UTRN: variants seen among roughly 807,000 people sequenced by gnomAD.
The protein encoded by UTRN is dystrophin-related protein 1.
Under a neutral mutation model 463.9 loss-of-function variants are expected in UTRN, and 283 were observed. That is an observed-to-expected ratio of 0.61 (90% CI 0.55 to 0.67). The LOEUF is 0.67. Ranked by LOEUF, UTRN falls within the 30% of genes least tolerant of loss-of-function variation. The pLI is 0.00. For missense variants in UTRN, 3,922 were observed against 4,084.3 expected, an observed-to-expected ratio of 0.96 and a Z score of 1.08; for synonymous variants, 1,442 against 1,431.5, an observed-to-expected ratio of 1.01 and a Z score of -0.17.
At position 144,522,166 on chromosome 6, in the gene UTRN, C is replaced by G. The variant is rs1796164654; in HGVS notation, c.5728C>G (p.Leu1910Val). Residue 1910 changes from leucine (L) to valine (V), a missense_variant, in exon 40 of 75, where the codon CTG (leucine) becomes GTG (valine). Physicochemically the swap from Leu to Val is conservative, Grantham distance 32. Coordinates refer to ENST00000367545, the MANE Select transcript of UTRN (RefSeq NM_007124.3). ...YEDFSFQEDSLKNIKDQLDKL... is the reference protein window; with the variant it reads ...YEDFSFQEDSVKNIKDQLDKL... ...AGACTTCTCTTTTCAGGAAGACTCTCTGAAGGTAGACCTCTGGGCACTGTG... is the reference window on the plus strand; with the variant it reads ...AGACTTCTCTTTTCAGGAAGACTCTGTGAAGGTAGACCTCTGGGCACTGTG... 1 of 1,539,458 alleles carries G rather than the reference C, an allele frequency of 6.5e-7. No homozygotes were observed. Among genetic ancestry groups the G allele is most frequent in the Non-Finnish European group, 8.7e-7 (1 of 1,144,142 alleles).
chr6:144,579,230 A>C (rs1175427725), intron 51 of UTRN, among the ~76,000 whole-genome samples: 1 of 152,238 alleles, frequency 6.6e-6, no homozygotes, highest in Non-Finnish European at 1.5e-5. Context: ...TGAGGTCACT[A>C]TAAATGTTAA....
At chr6:144,416,394 A>C (rs1784368803) in intron 3 of UTRN, among the ~76,000 whole-genome samples, 1 of 152,188 alleles carries the variant, frequency 6.6e-6, no homozygotes, top group South Asian at 2.1e-4. Flanking sequence ...CTGCCACTTG[A>C]GCCTGCAGAG....
intron 13 of UTRN, among the ~76,000 whole-genome samples, chr6:144,441,938 T>TGGAGCA (rs1382891800): frequency 2.0e-5 from 3 of 152,170 alleles, no homozygotes; most frequent in Non-Finnish European, 4.4e-5. Context: ...TAGTCATGGC[T>TGGAGCA]GGAGCAGCTG....
chr6:144,307,839 G>A (rs1342112787), intron 2 of UTRN, among the ~76,000 whole-genome samples: 1 of 148,160 alleles, frequency 6.7e-6, no homozygotes, highest in Non-Finnish European at 1.5e-5. Flanking sequence ...TTTAATTAAT[G>A]AAACTTGGGC....
intron 51 of UTRN, among the ~76,000 whole-genome samples, chr6:144,660,623 T>C (rs1779778022): frequency 6.6e-6 from 1 of 152,124 alleles, no homozygotes; most frequent in South Asian, 2.1e-4. Flanking sequence ...CACTGGGTAT[T>C]GGTGCCAAAG....
At position 144,700,637 on chromosome 6, in the gene UTRN, G is replaced by T. The variant is rs150665048; in HGVS notation, c.7809+394G>T. ...GGCTGGAGTACAATGGCATGATCTC[G>T]GCTCACTGCAGCCTCTGCTTCCTGG... On this transcript the variant is annotated intron_variant, in intron 53 of 74. Transcript: ENST00000367545. Among the ~76,000 whole-genome samples, 202 of 150,500 alleles carry T rather than the reference G, an allele frequency of 1.3e-3. 2 individuals carry two copies. The highest frequency in any genetic ancestry group is 4.0e-3 in the Admixed American group (60 of 15,096).
Position 144,414,909 on chromosome 6 carries a change from T to C in UTRN, c.142-6969T>C, listed in dbSNP as rs117132236. Among the ~76,000 whole-genome samples the C allele has an allele frequency of 3.3e-4, 50 of 152,314 alleles. 1 individual carries two copies. The East Asian group carries it at 7.5e-3, about 23-fold the overall frequency. ...TTTTATGTTTTAGGAGAGATGGGTT[T>C]CACCACGTTAGCCAGGATGGTCTCC... On this transcript the variant is annotated intron_variant, in intron 3 of 74. Coordinates refer to ENST00000367545, the MANE Select transcript of UTRN (RefSeq NM_007124.3).
At chr6:144,562,233 A>G (rs1051050167) in intron 50 of UTRN, among the ~76,000 whole-genome samples, 17 of 152,116 alleles carry the variant, frequency 1.1e-4, no homozygotes, top group African/African-American at 3.9e-4. Flanking sequence ...ATGTTCCAGG[A>G]TACATGTGCA....
chr6:144,704,764 C>T (rs985766444), intron 53 of UTRN, among the ~76,000 whole-genome samples: 1 of 152,074 alleles, frequency 6.6e-6, no homozygotes, highest in African/African-American at 2.4e-5. Context: ...GAGATCAAGA[C>T]CTTCCTGGCC....
chr6:144,803,444 A>G (rs1777877205), intron 65 of UTRN, among the ~76,000 whole-genome samples: 1 of 152,054 alleles, frequency 6.6e-6, no homozygotes, highest in African/African-American at 2.4e-5. Context: ...TCTTTTAGAC[A>G]TATTTATGCT....
At position 144,793,240 on chromosome 6, in the gene UTRN, A is replaced by G. The variant is rs1393363660; in HGVS notation, c.8921-594A>G. 2.0e-5 allele frequency among the ~76,000 whole-genome samples: 3 copies of G among 152,268 alleles called. No individual in the cohort carries two copies. In the East Asian group the frequency reaches 5.8e-4, roughly 29 times the overall value. On this transcript the variant is annotated intron_variant, in intron 62 of 74. Transcript: ENST00000367545. The stretch of plus-strand genomic sequence containing the variant: ...TTTGTAAACAAATCTGTTAAAATTT[A>G]AAGGTTTGTTATTTAAGGTACGTTT...
At chr6:144,824,773 T>TG (rs1206634626) in intron 66 of UTRN, among the ~76,000 whole-genome samples, 4,846 of 105,830 alleles carry the variant, frequency 0.046, 151 homozygotes, top group Non-Finnish European at 0.071. Context: ...AAGTTGGTGG[T>TG]GGGGGGGGGT....
rs993785066 is a variant in UTRN at position 144,665,785 on chromosome 6, G to A, written c.7480-12621G>A. Reference sequence around the variant, plus strand: ...TGGTGTTTTATTTAGAGAAAAGTGTGTAGTCCTATTTTTCTAACTCCTGGC... The same window carrying A: ...TGGTGTTTTATTTAGAGAAAAGTGTATAGTCCTATTTTTCTAACTCCTGGC... On this transcript the variant is annotated intron_variant, in intron 51 of 74. Transcript: ENST00000367545. 2.6e-5 allele frequency among the ~76,000 whole-genome samples: 4 copies of A among 152,298 alleles called. No individual in the cohort carries two copies. The South Asian group carries it at 8.3e-4, about 32-fold the overall frequency.
chr6:144,636,905 T>C (rs1777231528), intron 51 of UTRN, among the ~76,000 whole-genome samples: 1 of 152,256 alleles, frequency 6.6e-6, no homozygotes, highest in South Asian at 2.1e-4. Flanking sequence ...CTTGAGGTTT[T>C]TTTTATTGGT....
rs549298243 is a variant in UTRN at position 144,782,324 on chromosome 6, A to G, written c.8834+201A>G. On this transcript the variant is annotated intron_variant, in intron 61 of 74. Coordinates refer to ENST00000367545, the MANE Select transcript of UTRN (RefSeq NM_007124.3). The stretch of plus-strand genomic sequence containing the variant: ...AACAATAGAACAGAAAAGAATGTAC[A>G]TCTTTCATTTTAAAATGTTGCTTCA... Among the ~76,000 whole-genome samples the G allele has an allele frequency of 2.0e-5, 3 of 152,284 alleles. No homozygotes were observed. In the East Asian group the frequency reaches 5.8e-4, roughly 29 times the overall value.
intron 2 of UTRN, among the ~76,000 whole-genome samples, chr6:144,370,170 G>A (rs1158224101): frequency 6.6e-6 from 1 of 152,158 alleles, no homozygotes. Flanking sequence ...CAAGACAGTG[G>A]GGAAAATGGC....
chr6:144,777,448 G>A lies in UTRN; in HGVS notation c.8632+3084G>A, dbSNP rs560027372. ...CTATATACACTTTTAAAAACTGAAA[G>A]TGAAATACAAAGGTTAATGGTTACC... On this transcript the variant is annotated intron_variant, in intron 60 of 74. Transcript: ENST00000367545. Among the ~76,000 whole-genome samples, 6 of 152,230 alleles carry A rather than the reference G, an allele frequency of 3.9e-5. No individual in the cohort carries two copies. The East Asian group carries it at 1.2e-3, about 29-fold the overall frequency.
At chr6:144,567,917 A>G (rs1311730304) in intron 50 of UTRN, among the ~76,000 whole-genome samples, 3 of 152,200 alleles carry the variant, frequency 2.0e-5, no homozygotes, top group Non-Finnish European at 4.4e-5. Flanking sequence ...ACAATTGATT[A>G]AATAATATAT....
At chr6:144,450,329 T>C (rs1584833888) in intron 17 of UTRN, among the ~76,000 whole-genome samples, 1 of 152,316 alleles carries the variant, frequency 6.6e-6, no homozygotes, top group South Asian at 2.1e-4. Context: ...GGCCACATCG[T>C]CAATTGTCCC....
Sources: gnomAD v4.1 joint callset for allele counts (sites outside exome capture counted in the v4.1 genomes callset) on GRCh38, gnomAD v4.1.1 for gene constraint, MANE v1.5 for transcripts, NCBI Gene and HGNC (gene_info 2026-07-23, HGNC 2026-07-21) for gene names.